Variants in COL14A1 observed in about 807,000 individuals in gnomAD.
The protein encoded by COL14A1 is collagen alpha-1(XIV) chain.
COL14A1 carries 136 observed loss-of-function variants against 230.3 expected under a neutral mutation model. The ratio of observed to expected loss-of-function variants is 0.59; its 90% confidence interval spans 0.51 to 0.68. COL14A1 has a LOEUF of 0.68. COL14A1 is among the 30% of genes least tolerant of loss of function. COL14A1 has a pLI of 0.00. For synonymous variants in COL14A1, 792 were observed against 784.1 expected (o/e 1.01, Z -0.17); for missense variants, 1,976 against 2,215.8 (o/e 0.89, Z 2.17).
At chr8:120,313,365 C>CA (rs536841710) in intron 37 of COL14A1, among the ~76,000 whole-genome samples, 164 of 151,692 alleles carry the variant, frequency 1.1e-3, no homozygotes, top group African/African-American at 3.7e-3. Flanking sequence ...GTCTCAAAAA[C>CA]AAAAAATGAA....
intron 33 of COL14A1, among the ~76,000 whole-genome samples, chr8:120,287,192 C>T (rs1265146369): frequency 2.0e-5 from 3 of 147,550 alleles, no homozygotes; most frequent in African/African-American, 5.0e-5. Flanking sequence ...TTGCATACCA[C>T]ATAATTGCAT....
intron 25 of COL14A1, among the ~76,000 whole-genome samples, chr8:120,268,686 C>T (rs1819571375): frequency 1.3e-5 from 2 of 151,584 alleles, no homozygotes; most frequent in African/African-American, 2.4e-5. Context: ...ATTAAACGAA[C>T]ATTAAAACGT....
At chr8:120,217,117 G>T (rs561768089) in intron 14 of COL14A1, among the ~76,000 whole-genome samples, 39 of 152,274 alleles carry the variant, frequency 2.6e-4, no homozygotes, top group Middle Eastern at 3.4e-3. Context: ...AATGCAGCCT[G>T]CCACAGGGGA....
rs143599009 is a variant in COL14A1, at chr8:120,262,905, A to G, written c.2907A>G (p.Thr969=). Residue 969 remains threonine, a synonymous_variant, in exon 24 of 48, where the codon ACA becomes ACG. Transcript: ENST00000297848. ...QKQESTVGGG[T]TRHCFYGLQP... ...AAGAATCCACTGTGGGTGGAGGGAC[A>G]ACCAGGCATTGCTTCTATGGACTTC... 1.2e-6 allele frequency: 2 copies of G among 1,613,694 alleles called. No homozygotes were observed. Among genetic ancestry groups the G allele is most frequent in the Non-Finnish European group, 1.7e-6 (2 of 1,179,860 alleles).
chr8:120,371,046 T>C lies in COL14A1; in HGVS notation c.5312-106T>C, dbSNP rs531039769. The C allele has an allele frequency of 1.2e-5, 13 of 1,108,280 alleles. 1 individual carries two copies. The South Asian group carries it at 1.8e-4, about 16-fold the overall frequency. The allele number at this position is 1,108,280 out of a possible 1,614,324, so 68.7% of individuals were successfully genotyped here. On this transcript the variant is annotated intron_variant, in intron 47 of 47. Transcript: ENST00000297848. ...GGTGGATTAAGACATCCACTGCTTT[T>C]TACCCAGCAGGATATCTCTGTGTCT...
chr8:120,244,044 C>T, intron 20 of COL14A1, 36 bp downstream of exon 20: 1 of 1,599,604 alleles, frequency 6.3e-7, no homozygotes, highest in Non-Finnish European at 8.5e-7. Context: ...TACAAGCCGA[C>T]TCATTAAATG....
chr8:120,206,640 T>C (rs969221698), intron 9 of COL14A1, among the ~76,000 whole-genome samples: 1 of 152,264 alleles, frequency 6.6e-6, no homozygotes, highest in African/African-American at 2.4e-5. Flanking sequence ...TGAACCACTG[T>C]GCCTGGCTGT....
chr8:120,190,969 A>G (rs1422958326), intron 5 of COL14A1, among the ~76,000 whole-genome samples: 2 of 147,286 alleles, frequency 1.4e-5, no homozygotes, highest in Admixed American at 6.8e-5. Flanking sequence ...CGGTCTATCA[A>G]TTTTGTTGAT....
chr8:120,214,071 A>G (rs1007601667), intron 13 of COL14A1: 12 of 245,276 alleles, frequency 4.9e-5, no homozygotes, highest in South Asian at 2.6e-4. Context: ...GGTAATTGTC[A>G]TGATTTGTCT....
chr8:120,228,863 AG>A, intron 18 of COL14A1, 94 bp downstream of exon 18: 3 of 1,092,234 alleles, frequency 2.7e-6, no homozygotes, highest in Non-Finnish European at 4.1e-6. Flanking sequence ...AACTAGGAAA[AG>A]AGATGACCCT....
chr8:120,197,745 T>C, intron 6 of COL14A1, 66 bp from the exon 7 acceptor site: 1 of 1,540,144 alleles, frequency 6.5e-7, no homozygotes, highest in Non-Finnish European at 8.8e-7. Flanking sequence ...TCCAGTTTCT[T>C]GAGTAGCCCA....
chr8:120,281,985 GT>G (rs1278875014), intron 31 of COL14A1, among the ~76,000 whole-genome samples: 3 of 152,088 alleles, frequency 2.0e-5, no homozygotes, highest in African/African-American at 7.2e-5. Context: ...TATACTTTAA[GT>G]TTTAGGGTAC....
At chr8:120,129,537 G>A (rs886525466) in intron 1 of COL14A1, among the ~76,000 whole-genome samples, 9 of 152,212 alleles carry the variant, frequency 5.9e-5, no homozygotes, top group African/African-American at 2.2e-4. Context: ...AATACTGATT[G>A]AGCAGCTGTA....
At chr8:120,340,606 C>T (rs1482427015) in intron 42 of COL14A1, among the ~76,000 whole-genome samples, 1 of 152,186 alleles carries the variant, frequency 6.6e-6, no homozygotes, top group East Asian at 1.9e-4. Flanking sequence ...CTTCTGAAGA[C>T]ACGTGTTTTG....
At chr8:120,185,731 GTC>G (rs1330946661) in intron 5 of COL14A1, among the ~76,000 whole-genome samples, 3 of 152,064 alleles carry the variant, frequency 2.0e-5, no homozygotes, top group Non-Finnish European at 4.4e-5. Context: ...TAACTAGTAA[GTC>G]AGTCACTTGT....
intron 22 of COL14A1, 121 bp from the exon 23 acceptor site, chr8:120,255,119 G>A: frequency 1.3e-6 from 1 of 742,114 alleles, no homozygotes; most frequent in Non-Finnish European, 2.4e-6. Flanking sequence ...GTAAATTGAT[G>A]GATTTCCCAG....
At chr8:120,259,425 T>C (rs1819259633) in intron 23 of COL14A1, among the ~76,000 whole-genome samples, 1 of 152,174 alleles carries the variant, frequency 6.6e-6, no homozygotes, top group Admixed American at 6.5e-5. Flanking sequence ...ATAAATTAAC[T>C]TCCTCCTTTT....
At chr8:120,156,701 TA>T (rs1278914022) in intron 2 of COL14A1, among the ~76,000 whole-genome samples, 1 of 152,214 alleles carries the variant, frequency 6.6e-6, no homozygotes, top group African/African-American at 2.4e-5. Context: ...CTCCCTATTA[TA>T]ATGCATTATA....
In COL14A1 at chr8:120,141,302, A is replaced by G. The variant is rs193186796; in HGVS notation, c.-37-6504A>G. ...TCATTCCTATAATCCCAGTATTTTG[A>G]GAGTCTGAGAAGGGGGAGTTGCTTG... On this transcript the variant is annotated intron_variant, in intron 1 of 47. Coordinates refer to ENST00000297848, the MANE Select transcript of COL14A1 (RefSeq NM_021110.4). Among the ~76,000 whole-genome samples the G allele has an allele frequency of 2.4e-3, 369 of 152,248 alleles. 13 individuals are homozygous for G. The highest frequency in any genetic ancestry group is 0.021 in the Admixed American group (323 of 15,290).
Sources: gnomAD v4.1 joint callset for allele counts (sites outside exome capture counted in the v4.1 genomes callset) on GRCh38, gnomAD v4.1.1 for gene constraint, MANE v1.5 for transcripts, NCBI Gene and HGNC (gene_info 2026-07-23, HGNC 2026-07-21) for gene names.